The following PAPOLA variants were observed in gnomAD, a reference collection of about 807,000 sequenced individuals.
The protein encoded by PAPOLA is poly(A) polymerase alpha, also known as polynucleotide adenylyltransferase alpha.
Under a neutral mutation model 100.6 loss-of-function variants are expected in PAPOLA, and 15 were observed. That is an observed-to-expected ratio of 0.15 (90% CI 0.10 to 0.23). The LOEUF is 0.23. PAPOLA is among the 10% of genes least tolerant of loss of function. PAPOLA has a pLI of 1.00. For synonymous variants in PAPOLA, 293 were observed against 300.0 expected (o/e 0.98, Z 0.24); for missense variants, 533 against 884.2 (o/e 0.60, Z 5.04).
intron 15 of PAPOLA, among the ~76,000 whole-genome samples, chr14:96,546,465 A>G (rs560701213): frequency 6.6e-6 from 1 of 152,130 alleles, no homozygotes; most frequent in Non-Finnish European, 1.5e-5. Context: ...CCAAGTCTTT[A>G]CTGTGGTTTG....
chr14:96,546,852 G>T (rs1900430422), intron 15 of PAPOLA, among the ~76,000 whole-genome samples: 1 of 152,016 alleles, frequency 6.6e-6, no homozygotes, highest in Non-Finnish European at 1.5e-5. Context: ...CATTTTTCTT[G>T]TTTCTCAAAT....
chr14:96,520,090 C>T lies in PAPOLA; in HGVS notation c.44C>T (p.Pro15Leu), dbSNP rs568242397. 3.3e-5 allele frequency: 53 copies of T among 1,613,532 alleles called. No homozygotes were observed. Among genetic ancestry groups the T allele is most frequent in the Admixed American group, 6.7e-5 (4 of 59,920 alleles). Residue 15 changes from proline (P) to leucine (L), a missense_variant, in exon 2 of 22, where the codon CCG (proline) becomes CTG (leucine). Coordinates refer to ENST00000216277, the MANE Select transcript of PAPOLA (RefSeq NM_032632.5). ...ACACAGGGATCACAACAAACACAAC[C>T]GCCACAGAAGCACTATGGCATTACT... The part of the protein sequence containing the change: ...VTTQGSQQTQ[P>L]PQKHYGITSP...
At chr14:96,546,045 A>G (rs544157123) in intron 15 of PAPOLA, among the ~76,000 whole-genome samples, 5 of 152,122 alleles carry the variant, frequency 3.3e-5, no homozygotes, top group African/African-American at 7.2e-5. Context: ...CTTTAATCCA[A>G]TACTTTATGG....
chr14:96,512,113 A>G (rs1897143199), intron 1 of PAPOLA, among the ~76,000 whole-genome samples: 1 of 152,218 alleles, frequency 6.6e-6, no homozygotes, highest in African/African-American at 2.4e-5. Flanking sequence ...GAATTAGTTG[A>G]CTTTCAACTT....
At chr14:96,506,150 C>G (rs367880056) in intron 1 of PAPOLA, among the ~76,000 whole-genome samples, 3 of 152,150 alleles carry the variant, frequency 2.0e-5, no homozygotes, top group South Asian at 2.1e-4. Context: ...GATCCCCCCC[C>G]ACCTCGGCCT....
chr14:96,503,392 T>C lies in PAPOLA; in HGVS notation c.8+792T>C, dbSNP rs559782055. On this transcript the variant is annotated intron_variant, in intron 1 of 21. Coordinates refer to ENST00000216277, the MANE Select transcript of PAPOLA (RefSeq NM_032632.5). ...GTTGTAAGGCTTGAAGCTAGTCTCT[T>C]TATGCTTTCTAATGCCACTGCGCCT... is the stretch of plus-strand genomic sequence containing the variant. 3.3e-5 allele frequency among the ~76,000 whole-genome samples: 5 copies of C among 152,284 alleles called. No homozygotes were observed. The East Asian group carries it at 9.6e-4, about 29-fold the overall frequency.
Position 96,542,911 on chromosome 14 carries a change from T to A in PAPOLA, c.1289+18T>A. The A allele has an allele frequency of 3.1e-6, 5 of 1,607,896 alleles. No individual in the cohort carries two copies. In the South Asian group the frequency reaches 5.6e-5, roughly 18 times the overall value. ...CCCGACAAGTAAGCCCTTTTCTAAT[T>A]TAATTTCTTCTTCCCATTTCCAATT... On this transcript the variant is annotated intron_variant, in intron 14 of 21. Transcript: ENST00000216277.
chr14:96,557,813 G>A (rs1784722241), intron 19 of PAPOLA, among the ~76,000 whole-genome samples: 1 of 150,590 alleles, frequency 6.6e-6, no homozygotes, highest in South Asian at 2.1e-4. Flanking sequence ...TCACTCTTAA[G>A]ATGGTAAATG....
intron 17 of PAPOLA, among the ~76,000 whole-genome samples, chr14:96,554,920 A>AT (rs1901171722): frequency 6.6e-6 from 1 of 152,104 alleles, no homozygotes; most frequent in African/African-American, 2.4e-5. Context: ...TCTCTTTAAT[A>AT]TTTATACTTA....
rs1359356035 is a variant in PAPOLA at position 96,531,456 on chromosome 14, T to G, written c.496-19T>G. 3 of 1,567,656 alleles carry G rather than the reference T, an allele frequency of 1.9e-6. No homozygotes were observed. Among genetic ancestry groups the G allele is most frequent in the Non-Finnish European group, 2.6e-6 (3 of 1,150,186 alleles). On this transcript the variant is annotated intron_variant, in intron 6 of 21. Transcript: ENST00000216277. ...AAGTAGTTTGACAGATATGGAATGT[T>G]GTTTTGTTTGTGTTTCAGATTGATA... is the stretch of plus-strand genomic sequence containing the variant.
chr14:96,545,386 A>G (rs889063800), intron 15 of PAPOLA, among the ~76,000 whole-genome samples: 1 of 152,068 alleles, frequency 6.6e-6, no homozygotes, highest in Non-Finnish European at 1.5e-5. Context: ...ACATCTATAA[A>G]TTCTGACTGA....
At chr14:96,517,788 C>G (rs1478288315) in intron 1 of PAPOLA, among the ~76,000 whole-genome samples, 1 of 150,978 alleles carries the variant, frequency 6.6e-6, no homozygotes, top group Non-Finnish European at 1.5e-5. Context: ...ACCGCAACCT[C>G]CACTTCCTGG....
chr14:96,561,632 C>T (rs1462038367), intron 20 of PAPOLA, among the ~76,000 whole-genome samples: 2 of 152,142 alleles, frequency 1.3e-5, no homozygotes, highest in East Asian at 3.8e-4. Context: ...CAGCTAAATA[C>T]CATATCTGCC....
In PAPOLA at chr14:96,535,393, T is replaced by C. The variant is rs1899430135; in HGVS notation, c.910-486T>C. On this transcript the variant is annotated intron_variant, in intron 10 of 21. Transcript: ENST00000216277. ...AAATTAACAGTATATCATTTCATTA[T>C]CTCCTAACATATCAACATGGATAAT... 16 of 980,770 alleles carry C rather than the reference T, an allele frequency of 1.6e-5. No individual in the cohort carries two copies. In the South Asian group the frequency reaches 5.7e-4, roughly 35 times the overall value. The allele number at this position is 980,770 out of a possible 1,614,324, so 60.8% of individuals were successfully genotyped here.
intron 3 of PAPOLA, 127 bp from the exon 4 acceptor site, chr14:96,525,183 T>C: frequency 1.7e-6 from 1 of 599,230 alleles, no homozygotes; most frequent in South Asian, 2.1e-5. Context: ...TTTATAGACT[T>C]TGAATACCCT....
intron 17 of PAPOLA, chr14:96,552,926 C>T: frequency 3.8e-6 from 1 of 265,392 alleles, no homozygotes; most frequent in Non-Finnish European, 7.2e-6. Context: ...GTATGGTGTG[C>T]TGATGAGAAC....
chr14:96,508,271 G>A (rs1896872031), intron 1 of PAPOLA, among the ~76,000 whole-genome samples: 1 of 152,158 alleles, frequency 6.6e-6, no homozygotes, highest in Non-Finnish European at 1.5e-5. Flanking sequence ...GTTGTTGTCA[G>A]TGAAAAACAA....
At chr14:96,562,002 C>T (rs966232684) in intron 20 of PAPOLA, among the ~76,000 whole-genome samples, 8 of 151,978 alleles carry the variant, frequency 5.3e-5, no homozygotes, top group Admixed American at 1.3e-4. Context: ...TCAAGCAATT[C>T]TTCTGCCTCA....
At chr14:96,564,338 C>T (rs1203052936) in intron 21 of PAPOLA, among the ~76,000 whole-genome samples, 1 of 151,944 alleles carries the variant, frequency 6.6e-6, no homozygotes, top group Non-Finnish European at 1.5e-5. Flanking sequence ...ATACAGTGCT[C>T]TCTACTTTGT....
Sources: gnomAD v4.1 joint callset for allele counts (sites outside exome capture counted in the v4.1 genomes callset) on GRCh38, gnomAD v4.1.1 for gene constraint, MANE v1.5 for transcripts, NCBI Gene and HGNC (gene_info 2026-07-23, HGNC 2026-07-21) for gene names.